Variants in COL8A1 observed in about 807,000 individuals in gnomAD.
COL8A1 encodes the protein collagen alpha-1(VIII) chain.
COL8A1 carries 21 observed loss-of-function variants against 42.7 expected under a neutral mutation model. The ratio of observed to expected loss-of-function variants is 0.49; its 90% CI spans 0.35 to 0.71. The LOEUF is 0.71. Among genes scored for constraint, COL8A1 ranks in the 30% least tolerant of loss-of-function variants. The pLI, the probability that COL8A1 is intolerant of heterozygous loss-of-function variation, is 0.01. For missense variants in COL8A1, 788 were observed against 962.4 expected, an observed-to-expected ratio of 0.82 and a Z score of 2.40; for synonymous variants, 367 against 369.1, an observed-to-expected ratio of 0.99 and a Z score of 0.06.
intron 1 of COL8A1, among the ~76,000 whole-genome samples, chr3:99,647,436 T>C (rs946460956): frequency 3.9e-5 from 6 of 152,184 alleles, no homozygotes; most frequent in Admixed American, 3.9e-4. Context: ...CTCAATTCTT[T>C]ATTACAATAA....
chr3:99,789,136 T>C (rs1941949535), intron 2 of COL8A1, among the ~76,000 whole-genome samples: 1 of 152,204 alleles, frequency 6.6e-6, no homozygotes, highest in South Asian at 2.1e-4. Context: ...TTAAATATTT[T>C]ATTAGGTGTT....
intron 2 of COL8A1, among the ~76,000 whole-genome samples, chr3:99,751,221 C>G (rs62283493): frequency 0.088 from 13,378 of 152,120 alleles, 651 homozygotes; most frequent in Middle Eastern, 0.11. Flanking sequence ...ATTACCTCCT[C>G]CAATGCCAAT....
At chr3:99,669,260 A>G (rs565406708) in intron 1 of COL8A1, among the ~76,000 whole-genome samples, 13 of 151,824 alleles carry the variant, frequency 8.6e-5, no homozygotes, top group Admixed American at 7.9e-4. Flanking sequence ...CAATGCTGTG[A>G]CAGAGAAAAG....
At chr3:99,669,146 T>G (rs377532131) in intron 1 of COL8A1, among the ~76,000 whole-genome samples, 24,950 of 115,258 alleles carry the variant, frequency 0.22, 2,591 homozygotes, top group Non-Finnish European at 0.24. Flanking sequence ...TATATATATA[T>G]AGAGGGAGAG....
At chr3:99,694,774 C>A (rs183269185) in intron 1 of COL8A1, among the ~76,000 whole-genome samples, 20 of 152,270 alleles carry the variant, frequency 1.3e-4, no homozygotes, top group African/African-American at 4.8e-4. Context: ...GATAGATCAG[C>A]ATTCTTCAGT....
chr3:99,688,304 C>A (rs1939123100), intron 1 of COL8A1, among the ~76,000 whole-genome samples: 1 of 151,592 alleles, frequency 6.6e-6, no homozygotes, highest in Non-Finnish European at 1.5e-5. Context: ...ACCAAGGTGT[C>A]AATAGGGCTG....
chr3:99,757,521 A>T lies in COL8A1; in HGVS notation c.-4+12500A>T, dbSNP rs184053681. Among the ~76,000 whole-genome samples the T allele has an allele frequency of 3.5e-3, 537 of 152,306 alleles. 5 individuals carry two copies. The highest frequency in any genetic ancestry group is 5.7e-3 in the Non-Finnish European group (385 of 68,028). On this transcript the variant is annotated intron_variant, in intron 2 of 3. Coordinates refer to ENST00000652472, the MANE Select transcript of COL8A1 (RefSeq NM_020351.4). The stretch of plus-strand genomic sequence containing the variant: ...ATTGTCAGGCTGGTAGCCCCAAAAG[A>T]TGACTTCTTTTGACTGCCGTATTAA...
At chr3:99,699,074 C>T (rs1159058495) in intron 1 of COL8A1, among the ~76,000 whole-genome samples, 2 of 152,198 alleles carry the variant, frequency 1.3e-5, no homozygotes, top group Non-Finnish European at 2.9e-5. Flanking sequence ...GGTTTCTCCA[C>T]GTGATAAATT....
At chr3:99,654,200 C>T (rs1937941754) in intron 1 of COL8A1, among the ~76,000 whole-genome samples, 1 of 152,148 alleles carries the variant, frequency 6.6e-6, no homozygotes, top group Non-Finnish European at 1.5e-5. Flanking sequence ...CTTCCGCCTG[C>T]TTTATTCTAG....
rs368538654 is a variant in COL8A1 at position 99,728,709 on chromosome 3, TTGTA to T, written c.-128-16185_-128-16182del. On this transcript the variant is annotated intron_variant, in intron 1 of 3. Transcript: ENST00000652472. ...ATTAATCAATTATTCAATTAATTAATTGTATGGTTAAATATATGAATGGATCATC... is the reference window on the plus strand; with the variant it reads ...ATTAATCAATTATTCAATTAATTAATTGGTTAAATATATGAATGGATCATC... Among the ~76,000 whole-genome samples, 1,029 of 152,110 alleles carry T rather than the reference TTGTA, an allele frequency of 6.8e-3. 13 individuals carry two copies. Among genetic ancestry groups the T allele is most frequent in the African/African-American group, 0.024 (983 of 41,536 alleles).
chr3:99,646,844 T>C (rs1257793347), intron 1 of COL8A1, among the ~76,000 whole-genome samples: 3 of 152,184 alleles, frequency 2.0e-5, no homozygotes, highest in African/African-American at 7.2e-5. Context: ...CAATCTGTAT[T>C]TTGAGACCAG....
intron 1 of COL8A1, among the ~76,000 whole-genome samples, chr3:99,701,067 A>G (rs749993533): frequency 2.0e-5 from 3 of 152,202 alleles, no homozygotes; most frequent in Non-Finnish European, 4.4e-5. Flanking sequence ...CAATAGCATG[A>G]ATTTCTTTTC....
chr3:99,707,542 G>T (rs1939715176), intron 1 of COL8A1, among the ~76,000 whole-genome samples: 1 of 152,266 alleles, frequency 6.6e-6, no homozygotes, highest in African/African-American at 2.4e-5. Context: ...AGCATGGCAG[G>T]TGTGTTTAGG....
intron 1 of COL8A1, among the ~76,000 whole-genome samples, chr3:99,672,557 T>C (rs1454330806): frequency 2.0e-5 from 3 of 151,834 alleles, no homozygotes; most frequent in Non-Finnish European, 1.5e-5. Flanking sequence ...TTCCTTTATT[T>C]AAAAAATGCT....
intron 1 of COL8A1, among the ~76,000 whole-genome samples, chr3:99,725,882 C>A (rs1360190384): frequency 6.6e-6 from 1 of 152,046 alleles, no homozygotes; most frequent in African/African-American, 2.4e-5. Flanking sequence ...CATACGTGTG[C>A]ATATGTCTTT....
intron 1 of COL8A1, among the ~76,000 whole-genome samples, chr3:99,741,640 G>GA (rs1177829560): frequency 1.3e-5 from 2 of 152,314 alleles, no homozygotes; most frequent in East Asian, 3.9e-4. Flanking sequence ...GGAAGGCTGA[G>GA]ATTTGCTGGC....
chr3:99,714,878 C>T (rs977992805), intron 1 of COL8A1, among the ~76,000 whole-genome samples: 2 of 152,080 alleles, frequency 1.3e-5, no homozygotes, highest in Admixed American at 1.3e-4. Flanking sequence ...ATAGGGAAAG[C>T]CCCTCTGAGG....
chr3:99,766,597 T>C (rs1941467354), intron 2 of COL8A1, among the ~76,000 whole-genome samples: 1 of 152,212 alleles, frequency 6.6e-6, no homozygotes, highest in Non-Finnish European at 1.5e-5. Flanking sequence ...GCTATTAAAA[T>C]TAATATTCAC....
chr3:99,685,660 A>G (rs1939028021), intron 1 of COL8A1: 1 of 152,280 alleles, frequency 6.6e-6, no homozygotes, highest in African/African-American at 2.4e-5. Flanking sequence ...CATAGTGTAA[A>G]TGATTTTGTT....
Sources: allele counts gnomAD v4.1 joint callset (sites outside exome capture counted in the v4.1 genomes callset), GRCh38; gene constraint gnomAD v4.1.1; transcripts MANE v1.5; gene names NCBI Gene and HGNC (gene_info 2026-07-23, HGNC 2026-07-21).